CTNNBL1: variants seen among roughly 807,000 people sequenced by gnomAD.
CTNNBL1 encodes beta-catenin-like protein 1.
CTNNBL1 carries 31 observed loss-of-function variants against 72.7 expected under a neutral mutation model. The observed-to-expected ratio is 0.43, with a 90% CI of 0.32 to 0.58. The LOEUF (loss-of-function observed/expected upper bound fraction) is 0.58. Among genes scored for constraint, CTNNBL1 ranks in the 20% least tolerant of loss-of-function variants. The pLI is 0.08. For synonymous variants in CTNNBL1, 240 were observed against 267.3 expected (o/e 0.90, Z 1.00); for missense variants, 534 against 725.1 (o/e 0.74, Z 3.03).
intron 13 of CTNNBL1, among the ~76,000 whole-genome samples, chr20:37,844,419 G>T (rs1159038638): frequency 6.6e-6 from 1 of 152,110 alleles, no homozygotes; most frequent in African/African-American, 2.4e-5. Context: ...AACAACGTTT[G>T]GTAACTCTGC....
chr20:37,763,512 C>A (rs1047896570), intron 5 of CTNNBL1, among the ~76,000 whole-genome samples: 8 of 152,174 alleles, frequency 5.3e-5, no homozygotes, highest in African/African-American at 1.9e-4. Context: ...AATAATTTCA[C>A]CTTTCCCTTG....
intron 1 of CTNNBL1, among the ~76,000 whole-genome samples, chr20:37,724,516 T>C (rs2073066936): frequency 6.6e-6 from 1 of 152,020 alleles, no homozygotes; most frequent in African/African-American, 2.4e-5. Context: ...GATTCAAAGG[T>C]GGAGGGGGCA....
chr20:37,730,497 T>A (rs1454956911), intron 1 of CTNNBL1, among the ~76,000 whole-genome samples: 1 of 152,168 alleles, frequency 6.6e-6, no homozygotes, highest in Non-Finnish European at 1.5e-5. Flanking sequence ...AAACTAAGGT[T>A]TAGAGAGGTA....
chr20:37,862,275 A>C (rs1281751225), intron 15 of CTNNBL1, among the ~76,000 whole-genome samples: 1 of 152,068 alleles, frequency 6.6e-6, no homozygotes, highest in Non-Finnish European at 1.5e-5. Flanking sequence ...TTTAAATGGC[A>C]TTTACTTCTA....
At chr20:37,794,076 G>T (rs1482926408) in intron 10 of CTNNBL1, among the ~76,000 whole-genome samples, 1 of 152,216 alleles carries the variant, frequency 6.6e-6, no homozygotes, top group Non-Finnish European at 1.5e-5. Context: ...ACCGCACCCG[G>T]CCAAGTGGTC....
chr20:37,798,252 T>C (rs186631371), intron 10 of CTNNBL1, among the ~76,000 whole-genome samples: 1 of 152,322 alleles, frequency 6.6e-6, no homozygotes, highest in Non-Finnish European at 1.5e-5. Context: ...ATAGCAAAAG[T>C]GTTTTTGCAT....
At position 37,740,930 on chromosome 20, in the gene CTNNBL1, G is replaced by A. The variant is rs537345323; in HGVS notation, c.326+3446G>A. Among the ~76,000 whole-genome samples the A allele has an allele frequency of 2.0e-5, 3 of 152,316 alleles. No individual in the cohort carries two copies. In the South Asian group the frequency reaches 6.2e-4, roughly 32 times the overall value. On this transcript the variant is annotated intron_variant, in intron 3 of 15. Transcript: ENST00000361383. ...TGAGAACTGCTGATTTACTTGGATG[G>A]AGGGAGCATCATGTTCCCCCAGCAG...
rs758210857 is a variant in CTNNBL1, at chr20:37,757,540, T to A, written c.467-19T>A. ...TGGTACCGTTTCAGTATGTGTGTTA[T>A]ACCCTTAACATTTTTCACATGTGTC... On this transcript the variant is annotated intron_variant, in intron 4 of 15. Coordinates refer to ENST00000361383, the MANE Select transcript of CTNNBL1 (RefSeq NM_030877.5). 1.9e-6 allele frequency: 3 copies of A among 1,575,436 alleles called. No homozygotes were observed. The Admixed American group carries it at 5.0e-5, about 26-fold the overall frequency.
intron 1 of CTNNBL1, among the ~76,000 whole-genome samples, chr20:37,705,458 T>A (rs2072877294): frequency 1.3e-5 from 2 of 152,162 alleles, no homozygotes; most frequent in Non-Finnish European, 2.9e-5. Context: ...TACAGCAACA[T>A]GGCAAAAAAA....
chr20:37,718,887 A>G (rs1288024348), intron 1 of CTNNBL1, among the ~76,000 whole-genome samples: 1 of 152,240 alleles, frequency 6.6e-6, no homozygotes, highest in Admixed American at 6.5e-5. Flanking sequence ...TTGACTGAGG[A>G]AAGGAGTCTT....
At chr20:37,719,431 G>T (rs1027435336) in intron 1 of CTNNBL1, among the ~76,000 whole-genome samples, 1 of 152,164 alleles carries the variant, frequency 6.6e-6, no homozygotes, top group Non-Finnish European at 1.5e-5. Context: ...TAACCGGAAG[G>T]CTCAATAATC....
intron 1 of CTNNBL1, among the ~76,000 whole-genome samples, chr20:37,729,917 A>G (rs1201736725): frequency 6.6e-6 from 1 of 152,154 alleles, no homozygotes; most frequent in African/African-American, 2.4e-5. Flanking sequence ...ACATTTTTGT[A>G]ATTTTTGTCC....
intron 10 of CTNNBL1, among the ~76,000 whole-genome samples, chr20:37,800,509 T>C (rs2073815096): frequency 6.6e-6 from 1 of 152,224 alleles, no homozygotes; most frequent in Non-Finnish European, 1.5e-5. Flanking sequence ...CTGGAATCTC[T>C]TCAGAAACTG....
intron 11 of CTNNBL1, among the ~76,000 whole-genome samples, chr20:37,830,322 A>T (rs774966557): frequency 2.6e-5 from 4 of 152,188 alleles, no homozygotes; most frequent in Non-Finnish European, 5.9e-5. Flanking sequence ...TAGGATTCTT[A>T]TACCTATTTT....
intron 4 of CTNNBL1, among the ~76,000 whole-genome samples, chr20:37,756,749 C>T (rs2073368847): frequency 6.6e-6 from 1 of 151,252 alleles, no homozygotes; most frequent in African/African-American, 2.4e-5. Flanking sequence ...GCAAGCCTCC[C>T]ACCTTAGCCT....
chr20:37,778,377 G>C (rs1325305491), intron 9 of CTNNBL1, among the ~76,000 whole-genome samples: 4 of 152,166 alleles, frequency 2.6e-5, no homozygotes, highest in Non-Finnish European at 5.9e-5. Context: ...TGAGATGTCA[G>C]TTTGCATACA....
intron 11 of CTNNBL1, among the ~76,000 whole-genome samples, chr20:37,835,141 GATGGTTAATTTT>G (rs2072242787): frequency 6.6e-6 from 1 of 152,226 alleles, no homozygotes; most frequent in African/African-American, 2.4e-5. Flanking sequence ...AACATAGTGT[GATGGTTAATTTT>G]ATGTTAAGTT....
chr20:37,861,986 C>G (rs1055891612), intron 15 of CTNNBL1, among the ~76,000 whole-genome samples: 1 of 152,136 alleles, frequency 6.6e-6, no homozygotes, highest in East Asian at 1.9e-4. Flanking sequence ...GGCATAGGGG[C>G]TGGAAATCTC....
chr20:37,852,855 A>C (rs972877833), intron 13 of CTNNBL1, among the ~76,000 whole-genome samples: 12 of 152,170 alleles, frequency 7.9e-5, no homozygotes, highest in African/African-American at 2.9e-4. Flanking sequence ...TCCTGTTTCC[A>C]AGCGAAGAAG....
Sources: gnomAD v4.1 joint callset for allele counts (sites outside exome capture counted in the v4.1 genomes callset) on GRCh38, gnomAD v4.1.1 for gene constraint, MANE v1.5 for transcripts, NCBI Gene and HGNC (gene_info 2026-07-23, HGNC 2026-07-21) for gene names.